The following SH3TC1 variants were observed in gnomAD, a reference collection of about 807,000 sequenced individuals.
The protein encoded by SH3TC1 is SH3 domain and tetratricopeptide repeats 1.
In SH3TC1, 135 loss-of-function variants were observed where a neutral mutation model predicts 117.3. The ratio of observed to expected loss-of-function variants is 1.15; its 90% CI spans 1.00 to 1.33. The LOEUF (loss-of-function observed/expected upper bound fraction) is 1.33, where lower values mean the gene tolerates loss of function less well. SH3TC1 is among the 40% of genes most tolerant of loss of function. The pLI is 0.00. For synonymous variants in SH3TC1, 898 were observed against 816.9 expected (o/e 1.10, Z -1.69); for missense variants, 2,092 against 1,794.3 (o/e 1.17, Z -3.00).
intron 4 of SH3TC1, among the ~76,000 whole-genome samples, 173 bp from the exon 5 acceptor site, chr4:8,214,302 T>C (rs1409346129): frequency 6.6e-6 from 1 of 152,158 alleles, no homozygotes; most frequent in Non-Finnish European, 1.5e-5. Context: ...GAGCCACGGC[T>C]GGCTTGAGAG....
chr4:8,236,016 C>T, intron 15 of SH3TC1: 1 of 512,134 alleles, frequency 2.0e-6, no homozygotes, highest in Non-Finnish European at 3.4e-6. Flanking sequence ...GAGAGGAGTG[C>T]AGGCTCCCCC....
In SH3TC1 at chr4:8,232,175, G is replaced by A; in HGVS notation, c.3131+19G>A. ...CCGAGCGGTGAGGGCTGGCTCTGTGGTGGTGGGGGCGGGGGGAGGGGGCAA... is the reference window on the plus strand; with the variant it reads ...CCGAGCGGTGAGGGCTGGCTCTGTGATGGTGGGGGCGGGGGGAGGGGGCAA... On this transcript the variant is annotated intron_variant, in intron 13 of 17. Transcript: ENST00000245105. 2.5e-6 allele frequency: 3 copies of A among 1,219,868 alleles called. No individual in the cohort carries two copies. Among genetic ancestry groups the A allele is most frequent in the Non-Finnish European group, 3.2e-6 (3 of 937,090 alleles). The allele number at this position is 1,219,868 out of a possible 1,614,324, so 75.6% of individuals were successfully genotyped here.
rs938470070 is a variant in SH3TC1, at chr4:8,227,467, G to A, written c.1773G>A (p.Glu591=). 2.6e-6 allele frequency: 4 copies of A among 1,564,678 alleles called. No homozygotes were observed. The highest frequency in any genetic ancestry group is 3.4e-6 in the Non-Finnish European group (4 of 1,160,646). The stretch of plus-strand genomic sequence containing the variant: ...TTGAGGAAGCGCTGGGGGCCCTGGA[G>A]GGCAGCTTCGGGGACCTGTTCCTAG... ...VYFEEALGAL[E]GSFGDLFLVV... The change falls in exon 12 of 18, where the codon GAG becomes GAA. Residue 591 remains glutamate (E), a synonymous_variant. Coordinates refer to ENST00000245105, the MANE Select transcript of SH3TC1 (RefSeq NM_018986.5).
chr4:8,240,133 G>A (rs1399123120), intron 17 of SH3TC1, among the ~76,000 whole-genome samples: 1 of 152,166 alleles, frequency 6.6e-6, no homozygotes, highest in Admixed American at 6.5e-5. Flanking sequence ...GAGGAGGTCT[G>A]GGAAGTGGCA....
chr4:8,199,007 G>A (rs1301951998), upstream of SH3TC1, among the ~76,000 whole-genome samples: 2 of 152,268 alleles, frequency 1.3e-5, no homozygotes, highest in African/African-American at 2.4e-5. Flanking sequence ...GCAGGGCTGA[G>A]GCAGCCGGTG....
chr4:8,214,591 G>A lies in SH3TC1; in HGVS notation c.481+11G>A. 6.2e-7 allele frequency: 1 copy of A among 1,611,514 alleles called. No homozygotes were observed. Among genetic ancestry groups the A allele is most frequent in the Non-Finnish European group, 8.5e-7 (1 of 1,178,056 alleles). ...CCTACCATGCTCTCGGTAAAGAGGT[G>A]ACCCTCCCAGAATTGGTCATGGGGA... On this transcript the variant is annotated intron_variant, in intron 5 of 17. Coordinates refer to ENST00000245105, the MANE Select transcript of SH3TC1 (RefSeq NM_018986.5).
At chr4:8,204,192 A>G (rs1718015567) in intron 1 of SH3TC1, among the ~76,000 whole-genome samples, 1 of 152,182 alleles carries the variant, frequency 6.6e-6, no homozygotes, top group African/African-American at 2.4e-5. Context: ...GAGGGGCTTC[A>G]AGCCAGGAGC....
rs574090060 is a variant in SH3TC1, at chr4:8,191,596, A to G, written c.-57+9386A>G. ...CCTAGCCCTTTCCGGGGGATGACTC[A>G]TCATGCTACCATTCCAGCACCAGCT... On this transcript the variant is annotated intron_variant, in intron 1 of 16. Transcript: ENST00000508641. Among the ~76,000 whole-genome samples, 282 of 152,288 alleles carry G rather than the reference A, an allele frequency of 1.9e-3. 2 individuals are homozygous for G. Among genetic ancestry groups the G allele is most frequent in the African/African-American group, 6.2e-3 (258 of 41,556 alleles).
At chr4:8,198,341 A>G (rs1210584192), upstream of SH3TC1, among the ~76,000 whole-genome samples, 1 of 152,156 alleles carries the variant, frequency 6.6e-6, no homozygotes, top group Non-Finnish European at 1.5e-5. Flanking sequence ...AGGTGTGTGT[A>G]AAGCTCCGAC....
chr4:8,215,038 T>G (rs1719117670), intron 5 of SH3TC1: 1 of 429,398 alleles, frequency 2.3e-6, no homozygotes, highest in Non-Finnish European at 4.8e-6. Context: ...AACACTGGTG[T>G]GCGCACCTGG....
chr4:8,236,494 C>A, intron 16 of SH3TC1, 66 bp downstream of exon 16: 1 of 1,413,630 alleles, frequency 7.1e-7, no homozygotes, highest in South Asian at 1.5e-5. Flanking sequence ...TCCAGGTCTG[C>A]AGGGCAGGAG....
chr4:8,219,981 A>T (rs1719746040), intron 9 of SH3TC1, among the ~76,000 whole-genome samples: 1 of 151,990 alleles, frequency 6.6e-6, no homozygotes, highest in South Asian at 2.1e-4. Context: ...TGGCCACATC[A>T]CTGCACTCTG....
rs1717445458 is a variant in SH3TC1 at position 8,192,448 on chromosome 4, T to C, written c.-57+10238T>C. Among the ~76,000 whole-genome samples, 1 of 58,498 alleles carries C rather than the reference T, an allele frequency of 1.7e-5. No individual in the cohort carries two copies. Among genetic ancestry groups the C allele is most frequent in the Non-Finnish European group, 3.5e-5 (1 of 28,644 alleles). 38.4% of individuals were successfully genotyped at this position (58,498 alleles called of 152,430 possible). A position where few individuals can be genotyped will look rare whatever the true frequency, so the allele number is the denominator to read the frequency against. Reference sequence around the variant, plus strand: ...CAATCTTCTTATCCAACCACTTGTCTTTATTTTATTTTATTTTATTTTATT... The same window carrying C: ...CAATCTTCTTATCCAACCACTTGTCCTTATTTTATTTTATTTTATTTTATT... On this transcript the variant is annotated intron_variant, in intron 1 of 16. Transcript: ENST00000508641. This position sits in a 1 kb window ranked among gnomAD's most constrained non-coding sequence, Gnocchi z 4.1.
Position 8,216,189 on chromosome 4 carries a change from C to T in SH3TC1, c.560C>T (p.Thr187Met), listed in dbSNP as rs1047104128. The stretch of plus-strand genomic sequence containing the variant: ...CTCTTGCCCAGTGAGGAGGAGGAGA[C>T]GGCCATCCAAGTCCATGTGGATGAG... ...WLLLPSEEEETAIQVHVDENA... is the reference protein window; with the variant it reads ...WLLLPSEEEEMAIQVHVDENA... Residue 187 changes from threonine (T) to methionine (M), a missense_variant, in exon 6 of 18, where the codon ACG (threonine) becomes ATG (methionine). Coordinates refer to ENST00000245105, the MANE Select transcript of SH3TC1 (RefSeq NM_018986.5). 27 of 1,613,724 alleles carry T rather than the reference C, an allele frequency of 1.7e-5. No individual in the cohort carries two copies. The highest frequency in any genetic ancestry group is 1.6e-4 in the East Asian group (7 of 44,898).
chr4:8,206,437 C>T lies in SH3TC1; in HGVS notation c.172+1071C>T, dbSNP rs963241309. On this transcript the variant is annotated intron_variant, in intron 2 of 17. Transcript: ENST00000245105. This position sits in a 1 kb window ranked among gnomAD's most constrained non-coding sequence, Gnocchi z 5.5. Reference sequence around the variant, plus strand: ...ACGAGTGCACAAGGAGACTGAGACGCGCAGGAGGGCCCTGGCCAGCCTCCC... The same window carrying T: ...ACGAGTGCACAAGGAGACTGAGACGTGCAGGAGGGCCCTGGCCAGCCTCCC... 3.9e-5 allele frequency among the ~76,000 whole-genome samples: 6 copies of T among 152,044 alleles called. No individual in the cohort carries two copies. Among genetic ancestry groups the T allele is most frequent in the African/African-American group, 7.2e-5 (3 of 41,402 alleles).
At chr4:8,203,634 C>T (rs1371588368) in intron 1 of SH3TC1, among the ~76,000 whole-genome samples, 1 of 152,096 alleles carries the variant, frequency 6.6e-6, no homozygotes, top group Non-Finnish European at 1.5e-5. Flanking sequence ...AGAAATAAGC[C>T]CAGCATCTCC....
chr4:8,216,606 A>G (rs1578687299), intron 6 of SH3TC1, among the ~76,000 whole-genome samples: 1 of 152,064 alleles, frequency 6.6e-6, no homozygotes, highest in South Asian at 2.1e-4. Flanking sequence ...TTCCTACCCG[A>G]CCACAGCAGG....
intron 9 of SH3TC1, among the ~76,000 whole-genome samples, chr4:8,222,620 C>T (rs1202538063): frequency 6.6e-6 from 1 of 151,930 alleles, no homozygotes; most frequent in Non-Finnish European, 1.5e-5. Flanking sequence ...GTGATCCGCC[C>T]ACCTCAGCCT....
At chr4:8,229,891 G>A (rs1039841859) in intron 12 of SH3TC1, among the ~76,000 whole-genome samples, 1 of 152,104 alleles carries the variant, frequency 6.6e-6, no homozygotes, top group African/African-American at 2.4e-5. Context: ...ACGCAGGCCA[G>A]GGAACGAGGA....
Sources: allele counts gnomAD v4.1 joint callset (sites outside exome capture counted in the v4.1 genomes callset), GRCh38; gene constraint gnomAD v4.1.1; non-coding constraint Gnocchi (gnomAD v3.1); transcripts MANE v1.5; gene names NCBI Gene and HGNC (gene_info 2026-07-23, HGNC 2026-07-21).